EIF2B3: variants seen among roughly 807,000 people sequenced by gnomAD.
EIF2B3 encodes the protein eukaryotic translation initiation factor 2B subunit gamma.
In EIF2B3, 20 loss-of-function variants were observed where a neutral mutation model predicts 54.1. The ratio of observed to expected loss-of-function variants is 0.37; its 90% CI spans 0.26 to 0.54. The LOEUF is 0.54. Ranked by LOEUF, EIF2B3 falls within the 20% of genes least tolerant of loss-of-function variation. The probability of loss-of-function intolerance (pLI) is 0.86; values close to 1 mark genes in which losing one functional copy is unlikely to be tolerated. For synonymous variants in EIF2B3, 153 were observed against 188.1 expected, an observed-to-expected ratio of 0.81 and a Z score of 1.52; for missense variants, 448 against 547.8, an observed-to-expected ratio of 0.82 and a Z score of 1.82.
intron 3 of EIF2B3, among the ~76,000 whole-genome samples, chr1:44,947,311 C>T (rs1644113660): frequency 6.6e-6 from 1 of 152,158 alleles, no homozygotes; most frequent in African/African-American, 2.4e-5. Context: ...CCCAGGAATT[C>T]AAAATCCAAA....
chr1:44,932,701 T>C (rs1450150731), intron 4 of EIF2B3, among the ~76,000 whole-genome samples: 1 of 152,076 alleles, frequency 6.6e-6, no homozygotes, highest in Admixed American at 6.6e-5. Flanking sequence ...ATCAGAATGA[T>C]GTTGGACTTC....
intron 3 of EIF2B3, among the ~76,000 whole-genome samples, chr1:44,972,809 G>A (rs6678762): frequency 0.22 from 33,711 of 152,048 alleles, 4,068 homozygotes; most frequent in Admixed American, 0.32. Flanking sequence ...TGGGACTACA[G>A]GTGTGTGTCA....
chr1:44,970,030 A>G (rs1344116166), intron 3 of EIF2B3: 1 of 152,204 alleles, frequency 6.6e-6, no homozygotes, highest in Non-Finnish European at 1.5e-5. Context: ...AAGTCAGGGA[A>G]AGAGGTTTGG....
chr1:44,874,453 T>C, intron 10 of EIF2B3: 1 of 553,664 alleles, frequency 1.8e-6, no homozygotes, highest in South Asian at 2.3e-5. Flanking sequence ...GTTGAATCTC[T>C]TGTTTCTGAT....
chr1:44,951,954 A>ATTTTTTTTTT lies in EIF2B3; in HGVS notation c.295-10299_295-10290dup, dbSNP rs1171020644. On this transcript the variant is annotated intron_variant, in intron 3 of 11. Transcript: ENST00000360403. ...AGGGGCGCACCACCATGCCTGGCTA[A>ATTTTTTTTTT]TTTTTTTTTTTTTTTTTTTTTTTTT... Among the ~76,000 whole-genome samples the ATTTTTTTTTT allele has an allele frequency of 2.5e-3, 112 of 44,648 alleles. 21 individuals carry two copies. The highest frequency in any genetic ancestry group is 5.6e-3 in the African/African-American group (41 of 7,338). 29.3% of individuals were successfully genotyped at this position (44,648 alleles called of 152,430 possible). A position where few individuals can be genotyped will look rare whatever the true frequency, so the allele number is the denominator to read the frequency against.
At position 44,953,980 on chromosome 1, in the gene EIF2B3, TA is replaced by T. The variant is rs534081318; in HGVS notation, c.295-12316del. 1.8e-3 allele frequency among the ~76,000 whole-genome samples: 278 copies of T among 152,210 alleles called. 1 individual carries two copies. The highest frequency in any genetic ancestry group is 6.3e-3 in the African/African-American group (263 of 41,508). On this transcript the variant is annotated intron_variant, in intron 3 of 11. Coordinates refer to ENST00000360403, the MANE Select transcript of EIF2B3 (RefSeq NM_020365.5). ...AGATTTAGAAACGCTAAAAAATTTT[TA>T]AAAAGCAAAGATATACCAGGCAAAT... is the stretch of plus-strand genomic sequence containing the variant.
At chr1:44,951,363 G>A (rs2148948357) in intron 3 of EIF2B3, among the ~76,000 whole-genome samples, 1 of 152,254 alleles carries the variant, frequency 6.6e-6, no homozygotes, top group East Asian at 1.9e-4. Flanking sequence ...CCAACTCACT[G>A]ACTTTTTACT....
chr1:44,910,455 T>C (rs1643488472), intron 5 of EIF2B3, among the ~76,000 whole-genome samples: 1 of 152,048 alleles, frequency 6.6e-6, no homozygotes, highest in African/African-American at 2.4e-5. Context: ...AGGAAAGGTG[T>C]TGTGCTTTGT....
chr1:44,922,892 C>A (rs561382310), intron 5 of EIF2B3, among the ~76,000 whole-genome samples: 1 of 108,596 alleles, frequency 9.2e-6, no homozygotes, highest in East Asian at 3.4e-4. Flanking sequence ...GTTGCCCAGG[C>A]TGGAGTGCAG....
chr1:44,888,478 T>TCTCTCTCTCTCTCTCTCG (rs889006876), intron 6 of EIF2B3, among the ~76,000 whole-genome samples: 6 of 129,078 alleles, frequency 4.6e-5, no homozygotes, highest in African/African-American at 2.6e-4. Context: ...TCTCAATCTC[T>TCTCTCTCTCTCTCTCTCG]CTCTCTCTCT....
intron 5 of EIF2B3, among the ~76,000 whole-genome samples, chr1:44,921,973 G>A (rs879726890): frequency 8.6e-5 from 13 of 150,650 alleles, no homozygotes; most frequent in African/African-American, 2.7e-4. Context: ...GGAGTGCAAT[G>A]GCGCAATCTC....
At chr1:44,939,078 G>A (rs569287608) in intron 4 of EIF2B3, among the ~76,000 whole-genome samples, 1 of 136,676 alleles carries the variant, frequency 7.3e-6, no homozygotes, top group African/African-American at 2.8e-5. Flanking sequence ...CTCTAGCCTC[G>A]GCAACAGAGT....
chr1:44,899,653 C>T (rs1039090629), intron 5 of EIF2B3, among the ~76,000 whole-genome samples: 5 of 152,046 alleles, frequency 3.3e-5, no homozygotes, highest in African/African-American at 1.2e-4. Context: ...AGAATGGCTA[C>T]TATTAAAAAG....
At position 44,925,088 on chromosome 1, in the gene EIF2B3, T is replaced by C. The variant is rs182635988; in HGVS notation, c.566+1540A>G. 7.8e-4 allele frequency: 119 copies of C among 152,294 alleles called. 1 individual carries two copies. Among genetic ancestry groups the C allele is most frequent in the African/African-American group, 2.8e-3 (115 of 41,560 alleles). The allele number at this position is 152,294 out of a possible 1,614,324, so 9.4% of individuals were successfully genotyped here. ...CTCTTATGCACTGTTGGTGGGATTG[T>C]AAAATAGTGAAAATGCCATGGAAAC... On this transcript the variant is annotated intron_variant, in intron 5 of 11. Coordinates refer to ENST00000360403, the MANE Select transcript of EIF2B3 (RefSeq NM_020365.5).
chr1:44,925,656 G>A (rs909581371), intron 5 of EIF2B3, among the ~76,000 whole-genome samples: 1 of 152,188 alleles, frequency 6.6e-6, no homozygotes, highest in Non-Finnish European at 1.5e-5. Context: ...GCTGGGCACG[G>A]TGGCTCACTC....
intron 4 of EIF2B3, among the ~76,000 whole-genome samples, chr1:44,929,523 G>C (rs765623215): frequency 1.2e-4 from 19 of 152,148 alleles, no homozygotes; most frequent in Non-Finnish European, 2.6e-4. Context: ...AAAAGGAAGA[G>C]CAAATGCTGC....
Position 44,857,736 on chromosome 1 carries a change from A to C in EIF2B3, c.1274T>G (p.Leu425Trp), listed in dbSNP as rs1289184955. ...TTCAATCCTCTGGCCACTTCCAATC[A>C]AGCAGTCCTTGATGTCTGCACCCTT... The part of the protein sequence containing the change: ...IEKGADIKDC[L>W]IGSGQRIEAK... Residue 425 changes from leucine (L) to tryptophan (W), a missense_variant, in exon 11 of 12, where the codon TTG becomes TGG. Coordinates refer to ENST00000360403, the MANE Select transcript of EIF2B3 (RefSeq NM_020365.5). The C allele has an allele frequency of 2.5e-6, 4 of 1,614,004 alleles. No individual in the cohort carries two copies. Among genetic ancestry groups the C allele is most frequent in the Admixed American group, 1.7e-5 (1 of 60,000 alleles).
At chr1:44,926,593 G>C in intron 5 of EIF2B3, 35 bp downstream of exon 5, 2 of 1,556,630 alleles carry the variant, frequency 1.3e-6, no homozygotes, top group Non-Finnish European at 1.8e-6. Context: ...TTTAAGACAA[G>C]GAGAATTGCC....
intron 11 of EIF2B3, among the ~76,000 whole-genome samples, chr1:44,853,934 C>A (rs1032402431): frequency 2.0e-5 from 3 of 151,912 alleles, no homozygotes; most frequent in African/African-American, 7.3e-5. Context: ...GGGAAGAGAT[C>A]CAAGTTCTGT....
Sources: gnomAD v4.1 joint callset for allele counts (sites outside exome capture counted in the v4.1 genomes callset) on GRCh38, gnomAD v4.1.1 for gene constraint, MANE v1.5 for transcripts, NCBI Gene and HGNC (gene_info 2026-07-23, HGNC 2026-07-21) for gene names.